Variants in ADGB observed in about 807,000 individuals in gnomAD.
ADGB encodes the protein androglobin.
In ADGB, 172 loss-of-function variants were observed where a neutral mutation model predicts 210.5. The ratio of observed to expected loss-of-function variants is 0.82; its 90% confidence interval spans 0.72 to 0.93. The LOEUF is 0.93. Among genes scored for constraint, ADGB ranks in the 40% least tolerant of loss-of-function variants. The pLI is 0.00. For missense variants in ADGB, 2,025 were observed against 1,964.8 expected (o/e 1.03, Z -0.58); for synonymous variants, 658 against 662.7 (o/e 0.99, Z 0.11).
chr6:146,763,087 A>T (rs1777519172), intron 27 of ADGB, among the ~76,000 whole-genome samples: 1 of 152,136 alleles, frequency 6.6e-6, no homozygotes, highest in Non-Finnish European at 1.5e-5. Flanking sequence ...ACCTAGCAGC[A>T]CTGCTGTTCA....
At chr6:146,758,589 G>A (rs6905126) in intron 27 of ADGB, among the ~76,000 whole-genome samples, 71,826 of 151,834 alleles carry the variant, frequency 0.47, 17,599 homozygotes, top group East Asian at 0.59. Flanking sequence ...TTGAGTGGAA[G>A]AGTAACTGGG....
intron 16 of ADGB, among the ~76,000 whole-genome samples, chr6:146,718,206 G>A (rs2114567422): frequency 6.6e-6 from 1 of 152,180 alleles, no homozygotes; most frequent in Admixed American, 6.5e-5. Flanking sequence ...AATTAGCCAG[G>A]TGTGGTGGCA....
chr6:146,803,244 A>G, intron 35 of ADGB: 3 of 1,576,078 alleles, frequency 1.9e-6, no homozygotes, highest in East Asian at 2.2e-5. Context: ...CAAAACTTGG[A>G]CCATTGTTTC....
At position 146,799,168 on chromosome 6, in the gene ADGB, G is replaced by A. The variant is rs553539749; in HGVS notation, c.4538-2015G>A. Among the ~76,000 whole-genome samples, 238 of 151,824 alleles carry A rather than the reference G, an allele frequency of 1.6e-3. 1 individual carries two copies. The highest frequency in any genetic ancestry group is 6.0e-3 in the Admixed American group (92 of 15,242). The stretch of plus-strand genomic sequence containing the variant: ...TAAAGACTCTACAAAAAAACCTATG[G>A]CCTACATTTTATTAATGGCGAGGAA... On this transcript the variant is annotated intron_variant, in intron 33 of 35. Coordinates refer to ENST00000397944, the MANE Select transcript of ADGB (RefSeq NM_024694.4).
At position 146,788,530 on chromosome 6, in the gene ADGB, A is replaced by G. The variant is rs1777912749; in HGVS notation, c.4457A>G (p.Lys1486Arg). 1.9e-6 allele frequency: 3 copies of G among 1,551,556 alleles called. No homozygotes were observed. The African/African-American group carries it at 4.1e-5, about 21-fold the overall frequency. Residue 1486 changes from lysine (K) to arginine (R), a missense_variant, in exon 33 of 36, where the codon AAA becomes AGA. By Grantham distance (26) the Lys-to-Arg change is conservative (BLOSUM62 2). Coordinates refer to ENST00000397944, the MANE Select transcript of ADGB (RefSeq NM_024694.4). ...ACCAAAGGCTTGAGGGATGTGGCAA[A>G]ATCCACGAGTAGCGAAAGTGGAGGA... ...QLTKGLRDVA[K>R]STSSESGGVS...
chr6:146,715,787 C>T (rs1322752946), intron 14 of ADGB, among the ~76,000 whole-genome samples: 3 of 151,920 alleles, frequency 2.0e-5, no homozygotes, highest in Non-Finnish European at 2.9e-5. Flanking sequence ...AATGCTATGC[C>T]GGCCAGGTGC....
At chr6:146,765,576 C>T (rs1777561042) in intron 28 of ADGB, among the ~76,000 whole-genome samples, 1 of 150,486 alleles carries the variant, frequency 6.6e-6, no homozygotes, top group Admixed American at 6.6e-5. Flanking sequence ...GTTTTAAATC[C>T]TATAAATAAT....
chr6:146,683,361 T>A (rs538127776), intron 9 of ADGB, among the ~76,000 whole-genome samples: 5 of 152,078 alleles, frequency 3.3e-5, no homozygotes, highest in African/African-American at 1.2e-4. Flanking sequence ...AGTTTGAAAA[T>A]CCCTATTTAA....
At position 146,598,994 on chromosome 6, in the gene ADGB, G is replaced by C; in HGVS notation, c.-47G>C. ...CGCAGACGCGGAGCCGAGCGCGCCC[G>C]CAGGCTCTTTGCTCAGAGCTCAGCC... On this transcript the variant is annotated 5_prime_UTR_variant, in exon 1 of 36. Transcript: ENST00000397944. 1.3e-6 allele frequency: 2 copies of C among 1,512,090 alleles called. No individual in the cohort carries two copies. Among genetic ancestry groups the C allele is most frequent in the Non-Finnish European group, 1.8e-6 (2 of 1,111,854 alleles). 93.7% of individuals were successfully genotyped at this position (1,512,090 alleles called of 1,614,324 possible). A position where few individuals can be genotyped will look rare whatever the true frequency, so the allele number is the denominator to read the frequency against.
intron 35 of ADGB, among the ~76,000 whole-genome samples, chr6:146,805,902 C>G (rs539344558): frequency 1.3e-5 from 2 of 152,248 alleles, no homozygotes; most frequent in East Asian, 1.9e-4. Context: ...ATTATAAATA[C>G]TATGCTTTCA....
At position 146,740,996 on chromosome 6, in the gene ADGB, A is replaced by G; in HGVS notation, c.3024-122A>G. 3 of 663,302 alleles carry G rather than the reference A, an allele frequency of 4.5e-6. No homozygotes were observed. In the South Asian group the frequency reaches 1.1e-4, roughly 24 times the overall value. The allele number at this position is 663,302 out of a possible 1,614,324, so 41.1% of individuals were successfully genotyped here. A position where few individuals can be genotyped will look rare whatever the true frequency, so the allele number is the denominator to read the frequency against. On this transcript the variant is annotated intron_variant, in intron 24 of 35. Coordinates refer to ENST00000397944, the MANE Select transcript of ADGB (RefSeq NM_024694.4). Reference sequence around the variant, plus strand: ...ATAGTAATTTTTAAAAGAAAATAATATGTGTGCCTTTTAGTTATTTGGAAC... The same window carrying G: ...ATAGTAATTTTTAAAAGAAAATAATGTGTGTGCCTTTTAGTTATTTGGAAC...
At position 146,714,919 on chromosome 6, in the gene ADGB, A is replaced by G. The variant is rs1377249845; in HGVS notation, c.1708-463A>G. 2.6e-5 allele frequency among the ~76,000 whole-genome samples: 4 copies of G among 152,220 alleles called. No homozygotes were observed. In the East Asian group the frequency reaches 7.7e-4, roughly 29 times the overall value. On this transcript the variant is annotated intron_variant, in intron 13 of 35. Transcript: ENST00000397944. ...AATTATTTGATATTAAATAATTAAA[A>G]CAAAAGTTATACACATGAATTCAAC...
At chr6:146,814,344 C>G (rs1387214678) in intron 35 of ADGB, among the ~76,000 whole-genome samples, 1 of 152,118 alleles carries the variant, frequency 6.6e-6, no homozygotes, top group African/African-American at 2.4e-5. Flanking sequence ...TTGGCCACTT[C>G]CCTTTTAAGA....
intron 8 of ADGB, among the ~76,000 whole-genome samples, chr6:146,674,485 G>A (rs1776059733): frequency 6.6e-6 from 1 of 152,134 alleles, no homozygotes; most frequent in African/African-American, 2.4e-5. Context: ...GGAGAGCAAT[G>A]GCTCCTCCAT....
At chr6:146,759,777 T>C (rs1417293452) in intron 27 of ADGB, among the ~76,000 whole-genome samples, 11 of 151,882 alleles carry the variant, frequency 7.2e-5, no homozygotes, top group Non-Finnish European at 1.5e-5. Flanking sequence ...CCTTTATCCA[T>C]GCTCCCCTGA....
At chr6:146,678,489 A>C (rs1032917412) in intron 9 of ADGB, among the ~76,000 whole-genome samples, 2 of 152,182 alleles carry the variant, frequency 1.3e-5, no homozygotes, top group African/African-American at 4.8e-5. Context: ...GGCCTCCCAA[A>C]GTGCTGGGAC....
At chr6:146,703,816 G>A (rs947754397) in intron 13 of ADGB, among the ~76,000 whole-genome samples, 3 of 151,172 alleles carry the variant, frequency 2.0e-5, no homozygotes, top group East Asian at 1.9e-4. Context: ...ATTTCCTTTG[G>A]ATACACACTC....
chr6:146,706,094 TA>T (rs34229443), intron 13 of ADGB, among the ~76,000 whole-genome samples: 62,837 of 149,310 alleles, frequency 0.42, 13,237 homozygotes, highest in East Asian at 0.48. Flanking sequence ...TTGGTTAATT[TA>T]AAAAAAAAAA....
chr6:146,761,510 A>C (rs1777491143), intron 27 of ADGB, among the ~76,000 whole-genome samples: 1 of 152,062 alleles, frequency 6.6e-6, no homozygotes, highest in Admixed American at 6.6e-5. Flanking sequence ...TTTGGATTGC[A>C]CTGAACTTGG....
Sources: gnomAD v4.1 joint callset for allele counts (sites outside exome capture counted in the v4.1 genomes callset) on GRCh38, gnomAD v4.1.1 for gene constraint, MANE v1.5 for transcripts, NCBI Gene and HGNC (gene_info 2026-07-23, HGNC 2026-07-21) for gene names.